Variants in SPAG5 observed in about 807,000 individuals in gnomAD.
The protein encoded by SPAG5 is sperm-associated antigen 5.
In SPAG5, 99 loss-of-function variants were observed where a neutral mutation model predicts 145.4. That is an observed-to-expected ratio of 0.68 (90% confidence interval 0.58 to 0.80). The LOEUF is 0.80. SPAG5 is among the 30% of genes least tolerant of loss of function. The probability of loss-of-function intolerance (pLI) is 0.00; values close to 1 mark genes in which losing one functional copy is unlikely to be tolerated. For synonymous variants in SPAG5, 477 were observed against 525.4 expected, an observed-to-expected ratio of 0.91 and a Z score of 1.26; for missense variants, 1,192 against 1,416.0, an observed-to-expected ratio of 0.84 and a Z score of 2.54.
Position 28,579,774 on chromosome 17 carries a change from G to T in SPAG5, c.2861C>A (p.Ser954Ter). The T allele has an allele frequency of 6.2e-7, 1 of 1,614,200 alleles. No individual in the cohort carries two copies. Among genetic ancestry groups the T allele is most frequent in the Non-Finnish European group, 8.5e-7 (1 of 1,180,012 alleles). Residue 954 changes from serine to a stop codon, truncating the protein, a stop_gained, in exon 17 of 24, where the codon TCA becomes TAA. Transcript: ENST00000321765. LOFTEE classifies it high-confidence loss of function. ...SDKSAFTRVA[S>*]MVSLQPAETP... ...ACCTGCGGGCTGAAGGGAAACCATT[G>T]ATGCTACTCGGGTGAAAGCACTCTT... is the stretch of plus-strand genomic sequence containing the variant.
intron 2 of SPAG5, among the ~76,000 whole-genome samples, chr17:28,594,369 G>A (rs911572912): frequency 6.6e-6 from 1 of 152,066 alleles, no homozygotes; most frequent in Admixed American, 6.5e-5. Flanking sequence ...GCTGAGGCGG[G>A]CGGATCACGA....
rs1020431690 is a variant in SPAG5 at position 28,580,000 on chromosome 17, GC to G, written c.2797+8del. 4 of 1,605,824 alleles carry G rather than the reference GC, an allele frequency of 2.5e-6. No homozygotes were observed. In the African/African-American group the frequency reaches 5.4e-5, roughly 21 times the overall value. On this transcript the variant is annotated splice_region_variant and intron_variant, in intron 16 of 23. Coordinates refer to ENST00000321765, the MANE Select transcript of SPAG5 (RefSeq NM_006461.4). Reference sequence around the variant, plus strand: ...AACTTTCCCACCCCCAAATCCCAGGGCCTTTAACCTTCATCTGCCACTGCTG... The same window carrying G: ...AACTTTCCCACCCCCAAATCCCAGGGCTTTAACCTTCATCTGCCACTGCTG...
intron 5 of SPAG5, 96 bp from the exon 6 acceptor site, chr17:28,586,278 T>G (rs1449457215): frequency 8.1e-7 from 1 of 1,241,890 alleles, no homozygotes; most frequent in African/African-American, 1.5e-5. Context: ...AATTCCAAGC[T>G]CCGCATAAGG....
rs528129087 is a variant in SPAG5, at chr17:28,577,956, G to A, written c.3510+54C>T. 1.1e-5 allele frequency: 16 copies of A among 1,480,954 alleles called. No homozygotes were observed. The East Asian group carries it at 2.0e-4, about 19-fold the overall frequency. The allele number at this position is 1,480,954 out of a possible 1,614,324, so 91.7% of individuals were successfully genotyped here. A position where few individuals can be genotyped will look rare whatever the true frequency, so the allele number is the denominator to read the frequency against. On this transcript the variant is annotated intron_variant, in intron 23 of 23. Coordinates refer to ENST00000321765, the MANE Select transcript of SPAG5 (RefSeq NM_006461.4). Reference sequence around the variant, plus strand: ...GATCTGTGCTCATTAGTACCTCCTGGGGCCAGGCCTTGTACCAGGTTCATT... The same window carrying A: ...GATCTGTGCTCATTAGTACCTCCTGAGGCCAGGCCTTGTACCAGGTTCATT...
At position 28,594,243 on chromosome 17, in the gene SPAG5, C is replaced by A. The variant is rs571872181; in HGVS notation, c.178-1177G>T. On this transcript the variant is annotated intron_variant, in intron 2 of 23. Transcript: ENST00000321765. Reference sequence around the variant, plus strand: ...ACATAATTATAAAATTTCTGTGCTACAATGAAGAAAAAACTATTCTGGAAG... The same window carrying A: ...ACATAATTATAAAATTTCTGTGCTAAAATGAAGAAAAAACTATTCTGGAAG... Among the ~76,000 whole-genome samples, 29 of 152,176 alleles carry A rather than the reference C, an allele frequency of 1.9e-4. 1 individual carries two copies. The South Asian group carries it at 4.8e-3, about 25-fold the overall frequency.
At chr17:28,579,057 G>T in intron 19 of SPAG5, 84 bp downstream of exon 19, 1 of 1,192,566 alleles carries the variant, frequency 8.4e-7, no homozygotes, top group Non-Finnish European at 1.2e-6. Flanking sequence ...CCACCACCCA[G>T]ATTCCTGGAG....
rs1341631909 is a variant in SPAG5, at chr17:28,578,377, T to C, written c.3350A>G (p.Gln1117Arg). The C allele has an allele frequency of 1.9e-6, 3 of 1,614,058 alleles. No individual in the cohort carries two copies. Among genetic ancestry groups the C allele is most frequent in the African/African-American group, 2.7e-5 (2 of 74,930 alleles). Reference sequence around the variant, plus strand: ...CCTCTGTTAACTCTGAGTCACCTCCTGAGAGAGCCACACTTTCTCCTGGAT... The same window carrying C: ...CCTCTGTTAACTCTGAGTCACCTCCCGAGAGAGCCACACTTTCTCCTGGAT... ...NWIQEKVWLS[Q>R]EVDKLRVMFL... is the part of the protein sequence containing the mutation. The change falls in exon 21 of 24, where the codon CAG (glutamine) becomes CGG (arginine). Residue 1117 changes from glutamine (Q) to arginine (R), a missense_variant. Physicochemically the swap from Gln to Arg is conservative, Grantham distance 43 (BLOSUM62 1). Around this residue, in one of 5 missense-constraint regions of SPAG5, gnomAD observed 709 missense variants for 840.7 expected, o/e 0.84. Coordinates refer to ENST00000321765, the MANE Select transcript of SPAG5 (RefSeq NM_006461.4).
chr17:28,596,006 C>G (rs775052169), intron 2 of SPAG5, among the ~76,000 whole-genome samples: 1 of 151,922 alleles, frequency 6.6e-6, no homozygotes, highest in Non-Finnish European at 1.5e-5. Context: ...TAGATGGCAC[C>G]ACTGCACTCC....
In SPAG5 at chr17:28,592,907, TAGG is replaced by T. The variant is rs748225407; in HGVS notation, c.334_336del (p.Pro112del). 8 of 1,614,092 alleles carry T rather than the reference TAGG, an allele frequency of 5.0e-6. No homozygotes were observed. Among genetic ancestry groups the T allele is most frequent in the Non-Finnish European group, 5.9e-6 (7 of 1,180,026 alleles). ...GGGTCTACTGCTTCCTCAGACGTTT[TAGG>T]AGTAGAGCTAATTTGGGGAATTGGA... On this transcript the variant is annotated inframe_deletion, in exon 3 of 24. Coordinates refer to ENST00000321765, the MANE Select transcript of SPAG5 (RefSeq NM_006461.4).
At chr17:28,589,779 G>C (rs1483395226) in intron 4 of SPAG5, among the ~76,000 whole-genome samples, 1 of 152,056 alleles carries the variant, frequency 6.6e-6, no homozygotes, top group Non-Finnish European at 1.5e-5. Context: ...AGGTGTGGTG[G>C]CATACACCTA....
rs756374459 is a variant in SPAG5, at chr17:28,592,032, G to T, written c.1212C>A (p.Gly404=). Residue 404 remains glycine, a synonymous_variant, in exon 3 of 24, where the codon GGC becomes GGA. Transcript: ENST00000321765. ...QEKSTNTSQT[G]LVGTKHSTSE... ...AAGTACTGTGCTTGGTGCCAACCAG[G>T]CCTGTCTGGGATGTGTTTGTACTCT... is the stretch of plus-strand genomic sequence containing the variant. 9 of 1,614,078 alleles carry T rather than the reference G, an allele frequency of 5.6e-6. No homozygotes were observed. The highest frequency in any genetic ancestry group is 5.0e-5 in the Admixed American group (3 of 59,996).
chr17:28,579,017 G>A, intron 19 of SPAG5, 124 bp downstream of exon 19: 1 of 824,810 alleles, frequency 1.2e-6, no homozygotes, highest in Admixed American at 2.7e-5. Context: ...CCCCAGGAAG[G>A]GCAAAACTAG....
Position 28,585,378 on chromosome 17 carries a change from G to C in SPAG5, c.1894C>G (p.Gln632Glu), listed in dbSNP as rs775517852. Residue 632 changes from glutamine (Q) to glutamate (E), a missense_variant, in exon 9 of 24, where the codon CAG becomes GAG. Transcript: ENST00000321765. ...GLHAKQEELV[Q>E]QTVSLTSTLQ... Reference sequence around the variant, plus strand: ...GTAGAAGTAAGACTCACTGTCTGCTGAACCAGCTCTTCTTGCTTGGCATGA... The same window carrying C: ...GTAGAAGTAAGACTCACTGTCTGCTCAACCAGCTCTTCTTGCTTGGCATGA... 1.2e-6 allele frequency: 2 copies of C among 1,614,222 alleles called. No homozygotes were observed. The highest frequency in any genetic ancestry group is 2.2e-5 in the South Asian group (2 of 91,074).
At chr17:28,578,993 T>C in intron 19 of SPAG5, 148 bp downstream of exon 19, 2 of 702,140 alleles carry the variant, frequency 2.8e-6, no homozygotes, top group Non-Finnish European at 4.8e-6. Context: ...ATAGCTGACA[T>C]GTGAAATGTC....
chr17:28,578,738 G>C lies in SPAG5; in HGVS notation c.3132C>G (p.Leu1044=). The C allele has an allele frequency of 2.5e-6, 4 of 1,613,746 alleles. No individual in the cohort carries two copies. The highest frequency in any genetic ancestry group is 3.4e-6 in the Non-Finnish European group (4 of 1,179,752). Reference sequence around the variant, plus strand: ...CATTCTGCTGCTGTATCACTTCCTGGAGCTCCTTTTCATTCTGTGAGGGAA... The same window carrying C: ...CATTCTGCTGCTGTATCACTTCCTGCAGCTCCTTTTCATTCTGTGAGGGAA... The part of the protein sequence containing the change: ...LCLRYKNEKE[L]QEVIQQQNEK... The change falls in exon 20 of 24, where the codon CTC becomes CTG. Residue 1044 remains leucine, a synonymous_variant. Coordinates refer to ENST00000321765, the MANE Select transcript of SPAG5 (RefSeq NM_006461.4).
chr17:28,594,423 G>C (rs554670083), intron 2 of SPAG5, among the ~76,000 whole-genome samples: 1 of 151,866 alleles, frequency 6.6e-6, no homozygotes, highest in Admixed American at 6.6e-5. Context: ...ATGAAACCCC[G>C]TCTCTACTAA....
At position 28,592,840 on chromosome 17, in the gene SPAG5, G is replaced by C; in HGVS notation, c.404C>G (p.Ser135Cys). 1.2e-6 allele frequency: 2 copies of C among 1,614,214 alleles called. No homozygotes were observed. The highest frequency in any genetic ancestry group is 1.1e-5 in the South Asian group (1 of 91,084). Residue 135 changes from serine to cysteine, a missense_variant, in exon 3 of 24, where the codon TCT becomes TGT. Around this residue, in one of 5 missense-constraint regions of SPAG5, gnomAD observed 329 missense variants for 354.0 expected, o/e 0.93. Coordinates refer to ENST00000321765, the MANE Select transcript of SPAG5 (RefSeq NM_006461.4). ...CATGTCTTGTTGCTGCCCCAGTGGA[G>C]ATGGTACAAGGACGATGGTTTTAAC... The part of the protein sequence containing the change: ...YMVKTIVLVP[S>C]PLGQQQDMIF...
rs578214409 is a variant in SPAG5, at chr17:28,588,979, G to A, written c.1438-2480C>T. ...TTATAAGCGTGAGCCACCACATTGG[G>A]CCAACAGTGGTCTTTTAGCTACTTT... is the stretch of plus-strand genomic sequence containing the variant. On this transcript the variant is annotated intron_variant, in intron 4 of 23. Transcript: ENST00000321765. 2.8e-4 allele frequency among the ~76,000 whole-genome samples: 42 copies of A among 152,246 alleles called. 1 individual carries two copies. The South Asian group carries it at 8.5e-3, about 31-fold the overall frequency.
chr17:28,581,982 T>A (rs145898744), intron 15 of SPAG5, among the ~76,000 whole-genome samples: 1 of 152,302 alleles, frequency 6.6e-6, no homozygotes, highest in East Asian at 1.9e-4. Flanking sequence ...CATTCACTCT[T>A]CTAACTTACT....
Sources: gnomAD v4.1 joint callset for allele counts (sites outside exome capture counted in the v4.1 genomes callset) on GRCh38, gnomAD v4.1.1 for gene constraint, gnomAD v4.1.1 regional missense constraint, MANE v1.5 for transcripts, NCBI Gene and HGNC (gene_info 2026-07-23, HGNC 2026-07-21) for gene names.